RASAL2: variants seen among roughly 807,000 people sequenced by gnomAD.
RASAL2 encodes ras GTPase-activating protein nGAP.
A neutral mutation model predicts 128.9 loss-of-function variants in RASAL2; 58 were observed. The ratio of observed to expected loss-of-function variants is 0.45; its 90% CI spans 0.36 to 0.56. The LOEUF (loss-of-function observed/expected upper bound fraction) is 0.56, where lower values mean the gene tolerates loss of function less well. Ranked by LOEUF, RASAL2 falls within the 20% of genes least tolerant of loss-of-function variation. The probability of loss-of-function intolerance (pLI) is 0.00; values close to 1 mark genes in which losing one functional copy is unlikely to be tolerated. For synonymous variants in RASAL2, 561 were observed against 580.8 expected (o/e 0.97, Z 0.49); for missense variants, 1,360 against 1,601.6 (o/e 0.85, Z 2.57).
At chr1:178,379,375 A>AAG (rs928355382) in intron 3 of RASAL2, among the ~76,000 whole-genome samples, 8 of 150,496 alleles carry the variant, frequency 5.3e-5, no homozygotes, top group African/African-American at 1.2e-4. Flanking sequence ...CCTGTCTTGA[A>AAG]AGAGAGAGAG....
intron 3 of RASAL2, among the ~76,000 whole-genome samples, chr1:178,388,129 T>C (rs1672691415): frequency 6.6e-6 from 1 of 152,164 alleles, no homozygotes; most frequent in Admixed American, 6.6e-5. Flanking sequence ...TCTTCTAATT[T>C]GATATGAGGT....
At chr1:178,349,699 A>T (rs1670358030) in intron 3 of RASAL2, among the ~76,000 whole-genome samples, 1 of 152,084 alleles carries the variant, frequency 6.6e-6, no homozygotes, top group African/African-American at 2.4e-5. Context: ...TTAACACATT[A>T]ACTTTTACAT....
intron 1 of RASAL2, among the ~76,000 whole-genome samples, chr1:178,217,149 A>G (rs1176589281): frequency 1.3e-5 from 2 of 151,664 alleles, no homozygotes; most frequent in East Asian, 1.9e-4. Context: ...CTAATTTTGT[A>G]TTTTTAGTAG....
At chr1:178,423,867 C>G (rs1435985270) in intron 5 of RASAL2, among the ~76,000 whole-genome samples, 3 of 152,128 alleles carry the variant, frequency 2.0e-5, no homozygotes, top group Admixed American at 6.6e-5. Flanking sequence ...TGGAATAGCA[C>G]TTTTTATTAC....
At chr1:178,393,875 G>A (rs1424666382) in intron 4 of RASAL2, among the ~76,000 whole-genome samples, 5 of 152,238 alleles carry the variant, frequency 3.3e-5, no homozygotes, top group African/African-American at 7.2e-5. Context: ...AGAATCGAAC[G>A]AGTTTATCTC....
intron 1 of RASAL2, among the ~76,000 whole-genome samples, chr1:178,152,195 G>A (rs1473528904): frequency 1.3e-5 from 2 of 152,108 alleles, no homozygotes. Flanking sequence ...ATTGAGTCCT[G>A]TAGGAGCTCT....
chr1:178,155,514 A>G (rs777778071), intron 1 of RASAL2, among the ~76,000 whole-genome samples: 1 of 151,536 alleles, frequency 6.6e-6, no homozygotes, highest in South Asian at 2.1e-4. Context: ...CTATAGTTAT[A>G]ATTTACATTG....
At chr1:178,129,077 G>A (rs1301586207) in intron 1 of RASAL2, among the ~76,000 whole-genome samples, 1 of 152,006 alleles carries the variant, frequency 6.6e-6, no homozygotes, top group African/African-American at 2.4e-5. Flanking sequence ...AGGTACATAG[G>A]TTTCAGTTCT....
chr1:178,257,863 G>A (rs983189253), intron 1 of RASAL2, among the ~76,000 whole-genome samples: 16 of 118,922 alleles, frequency 1.3e-4, no homozygotes, highest in Non-Finnish European at 1.3e-4. Context: ...AAAAAAAAAA[G>A]AATTGATACA....
At chr1:178,292,169 T>A (rs1033294353) in intron 2 of RASAL2, among the ~76,000 whole-genome samples, 3 of 152,186 alleles carry the variant, frequency 2.0e-5, no homozygotes, top group Non-Finnish European at 4.4e-5. Context: ...AAGATGGTTT[T>A]AAACTTTAAT....
At chr1:178,226,408 A>T (rs1260340394) in intron 1 of RASAL2, among the ~76,000 whole-genome samples, 1 of 152,184 alleles carries the variant, frequency 6.6e-6, no homozygotes, top group African/African-American at 2.4e-5. Flanking sequence ...TTTACTAAGG[A>T]TAAAAGCCAT....
At position 178,454,622 on chromosome 1, in the gene RASAL2, T is replaced by A; in HGVS notation, c.2185T>A (p.Trp729Arg). The A allele has an allele frequency of 6.2e-7, 1 of 1,613,810 alleles. No individual in the cohort carries two copies. The change falls in exon 12 of 18, where the codon TGG (tryptophan) becomes AGG (arginine). Residue 729 changes from tryptophan (W) to arginine (R), a missense_variant. Around this residue, in one of 3 missense-constraint regions of RASAL2, gnomAD observed 741 missense variants for 868.6 expected, o/e 0.85. Coordinates refer to ENST00000367649, the MANE Select transcript of RASAL2 (RefSeq NM_170692.4). Reference protein sequence around the residue: ...RELSVLHSLLWEVVSQLDKAT... With the variant: ...RELSVLHSLLREVVSQLDKAT... ...GCTTTCAGTTTTGCATTCCTTACTG[T>A]GGGAAGTAGTTTCCCAACTTGATAA... is the stretch of plus-strand genomic sequence containing the variant.
chr1:178,184,041 CT>C (rs2101934531), intron 1 of RASAL2, among the ~76,000 whole-genome samples: 1 of 152,222 alleles, frequency 6.6e-6, no homozygotes, highest in East Asian at 1.9e-4. Flanking sequence ...TTGCATTCCC[CT>C]AATGAAAGAT....
chr1:178,253,773 G>T (rs964800665), intron 1 of RASAL2, among the ~76,000 whole-genome samples: 1 of 152,104 alleles, frequency 6.6e-6, no homozygotes, highest in African/African-American at 2.4e-5. Flanking sequence ...TTAAGGCAAG[G>T]ACCTTCCATT....
At chr1:178,414,645 A>G (rs949360388) in intron 4 of RASAL2, among the ~76,000 whole-genome samples, 3 of 152,094 alleles carry the variant, frequency 2.0e-5, no homozygotes, top group Non-Finnish European at 2.9e-5. Flanking sequence ...CTCTGCTTCT[A>G]TCTTCTATCT....
At position 178,299,959 on chromosome 1, in the gene RASAL2, A is replaced by G. The variant is rs777216278; in HGVS notation, c.331-33A>G. 2.1e-5 allele frequency: 33 copies of G among 1,607,178 alleles called. No individual in the cohort carries two copies. In the South Asian group the frequency reaches 3.0e-4, roughly 15 times the overall value. Reference sequence around the variant, plus strand: ...AGAACGTAGTTATGGTGAGTTCACTATTAAGTTTTATCTTTTGCTTTTGAT... The same window carrying G: ...AGAACGTAGTTATGGTGAGTTCACTGTTAAGTTTTATCTTTTGCTTTTGAT... On this transcript the variant is annotated intron_variant, in intron 2 of 17. Transcript: ENST00000367649.
chr1:178,198,449 T>C (rs1374867931), intron 1 of RASAL2, among the ~76,000 whole-genome samples: 1 of 152,234 alleles, frequency 6.6e-6, no homozygotes, highest in Non-Finnish European at 1.5e-5. Flanking sequence ...ACTTTGGTCT[T>C]TGATGATGGT....
Position 178,130,380 on chromosome 1 carries a change from C to T in RASAL2, c.202+35686C>T, listed in dbSNP as rs530339833. On this transcript the variant is annotated intron_variant, in intron 1 of 17. Coordinates refer to ENST00000367649, the MANE Select transcript of RASAL2 (RefSeq NM_170692.4). ...ATGTTAAGTTGCCCTGAAATATCCCCCTGGGCCACTGTATTTGTTTTGACA... is the reference window on the plus strand; with the variant it reads ...ATGTTAAGTTGCCCTGAAATATCCCTCTGGGCCACTGTATTTGTTTTGACA... 3.3e-5 allele frequency among the ~76,000 whole-genome samples: 5 copies of T among 152,246 alleles called. No individual in the cohort carries two copies. The East Asian group carries it at 9.6e-4, about 29-fold the overall frequency.
chr1:178,467,757 G>A (rs993772176), intron 17 of RASAL2, among the ~76,000 whole-genome samples: 2 of 152,218 alleles, frequency 1.3e-5, no homozygotes, highest in Non-Finnish European at 2.9e-5. Flanking sequence ...GCATGTGCCT[G>A]GCTTGTGACC....
Sources: gnomAD v4.1 joint callset for allele counts (sites outside exome capture counted in the v4.1 genomes callset) on GRCh38, gnomAD v4.1.1 for gene constraint, gnomAD v4.1.1 regional missense constraint, MANE v1.5 for transcripts, NCBI Gene and HGNC (gene_info 2026-07-23, HGNC 2026-07-21) for gene names.